The following RBM25 variants were observed in gnomAD, a reference collection of about 807,000 sequenced individuals.
The protein encoded by RBM25 is RNA binding motif protein 25.
A neutral mutation model predicts 120.7 loss-of-function variants in RBM25; 19 were observed. The ratio of observed to expected loss-of-function variants is 0.16; its 90% confidence interval spans 0.11 to 0.23. RBM25 has a LOEUF of 0.23. RBM25 is among the 10% of genes least tolerant of loss of function. RBM25 has a pLI of 1.00. For synonymous variants in RBM25, 390 were observed against 326.7 expected (o/e 1.19, Z -2.09); for missense variants, 605 against 1,041.5 (o/e 0.58, Z 5.77).
intron 1 of RBM25, among the ~76,000 whole-genome samples, chr14:73,070,127 G>A (rs1169994924): frequency 1.3e-5 from 2 of 149,586 alleles, no homozygotes; most frequent in Non-Finnish European, 3.0e-5. Flanking sequence ...TGTCACCCAC[G>A]CTGGAGTGCA....
At chr14:73,060,916 C>CT (rs978236557) in intron 1 of RBM25, among the ~76,000 whole-genome samples, 1 of 151,314 alleles carries the variant, frequency 6.6e-6, no homozygotes, top group Non-Finnish European at 1.5e-5. Context: ...CCCATAAATA[C>CT]TTAAGTGTAT....
At chr14:73,119,668 A>C in intron 18 of RBM25, 45 bp from the exon 19 acceptor site, 1 of 1,605,536 alleles carries the variant, frequency 6.2e-7, no homozygotes, top group Non-Finnish European at 8.5e-7. Context: ...GCAGATGTTG[A>C]TGATTGCTTC....
chr14:73,103,905 G>GTCTGTCTCTC (rs1896107421), intron 10 of RBM25, among the ~76,000 whole-genome samples: 1 of 91,660 alleles, frequency 1.1e-5, no homozygotes, highest in Non-Finnish European at 2.2e-5. Context: ...CTGTCTGTCT[G>GTCTGTCTCTC]TCTCTCTCTC....
Position 73,111,125 on chromosome 14 carries a change from A to T in RBM25, c.1987A>T (p.Arg663Trp). The T allele has an allele frequency of 6.2e-7, 1 of 1,613,502 alleles. No homozygotes were observed. The highest frequency in any genetic ancestry group is 8.5e-7 in the Non-Finnish European group (1 of 1,179,398). Residue 663 changes from arginine (R) to tryptophan (W), a missense_variant, in exon 15 of 19, where the codon AGG becomes TGG. Around this residue, in one of 4 missense-constraint regions of RBM25, gnomAD observed 465 missense variants for 741.6 expected, o/e 0.63. Transcript: ENST00000261973. Reference sequence around the variant, plus strand: ...AGATCAACAGCAACCTGAGGAGCATAGGCCAAAAATAGGACTAAGTCTTAA... The same window carrying T: ...AGATCAACAGCAACCTGAGGAGCATTGGCCAAAAATAGGACTAAGTCTTAA... ...SPDQQQPEEH[R>W]PKIGLSLKLG... is the part of the protein sequence containing the mutation.
Position 73,121,296 on chromosome 14 carries a change from A to T in RBM25, c.*1491A>T, listed in dbSNP as rs1030524745. 7.9e-5 allele frequency: 12 copies of T among 152,580 alleles called. No individual in the cohort carries two copies. The highest frequency in any genetic ancestry group is 1.6e-4 in the Non-Finnish European group (11 of 68,034). The allele number at this position is 152,580 out of a possible 1,614,324, so 9.5% of individuals were successfully genotyped here. On this transcript the variant is annotated 3_prime_UTR_variant, in exon 19 of 19. Coordinates refer to ENST00000261973, the MANE Select transcript of RBM25 (RefSeq NM_021239.3). ...CCATTATGTAAATATTTCAAATATTAAAAATGTATATATTTGATCCTGGGG... is the reference window on the plus strand; with the variant it reads ...CCATTATGTAAATATTTCAAATATTTAAAATGTATATATTTGATCCTGGGG...
intron 9 of RBM25, chr14:73,100,541 G>T: frequency 2.2e-6 from 1 of 444,784 alleles, no homozygotes; most frequent in Non-Finnish European, 4.0e-6. Context: ...TGTTGAAAAT[G>T]ATGCTTTTGA....
rs558094945 is a variant in RBM25 at position 73,123,879 on chromosome 14, T to C, written c.*4074T>C. ...AAAAATAAAAATTCTTTTCAAGCCA[T>C]GTTGTTTGAATTAAATGACACTCCT... On this transcript the variant is annotated 3_prime_UTR_variant, in exon 19 of 19. Transcript: ENST00000261973. 3 of 151,756 alleles carry C rather than the reference T, an allele frequency of 2.0e-5. No individual in the cohort carries two copies. The highest frequency in any genetic ancestry group is 2.9e-5 in the Non-Finnish European group (2 of 67,958). The allele number at this position is 151,756 out of a possible 1,614,324, so 9.4% of individuals were successfully genotyped here.
In RBM25 at chr14:73,111,104, C is replaced by G. The variant is rs768332342; in HGVS notation, c.1966C>G (p.Gln656Glu). 1.2e-6 allele frequency: 2 copies of G among 1,614,038 alleles called. No homozygotes were observed. Among genetic ancestry groups the G allele is most frequent in the Non-Finnish European group, 1.7e-6 (2 of 1,180,038 alleles). Reference protein sequence around the residue: ...IIIPHENSPDQQQPEEHRPKI... With the variant: ...IIIPHENSPDEQQPEEHRPKI... ...TATTCCTCATGAAAACTCACCAGAT[C>G]AACAGCAACCTGAGGAGCATAGGCC... Residue 656 changes from glutamine to glutamate, a missense_variant, in exon 15 of 19, where the codon CAA becomes GAA. Transcript: ENST00000261973.
intron 4 of RBM25, among the ~76,000 whole-genome samples, 182 bp downstream of exon 4, chr14:73,077,718 T>C (rs1255709586): frequency 1.3e-5 from 2 of 152,240 alleles, no homozygotes; most frequent in African/African-American, 4.8e-5. Context: ...TGAACATGTT[T>C]AGATATTTTA....
At chr14:73,076,966 A>C (rs1364398290) in intron 3 of RBM25, among the ~76,000 whole-genome samples, 1 of 152,232 alleles carries the variant, frequency 6.6e-6, no homozygotes, top group Non-Finnish European at 1.5e-5. Context: ...CTGTAATCTC[A>C]GCTACTCGGG....
At chr14:73,060,793 A>G (rs1245576897) in intron 1 of RBM25, among the ~76,000 whole-genome samples, 6 of 151,460 alleles carry the variant, frequency 4.0e-5, no homozygotes, top group African/African-American at 9.7e-5. Flanking sequence ...AATCTCAGCT[A>G]TCTTTCACCA....
chr14:73,065,502 G>A (rs1415480141), intron 1 of RBM25, among the ~76,000 whole-genome samples: 1 of 150,906 alleles, frequency 6.6e-6, no homozygotes, highest in Admixed American at 6.6e-5. Context: ...TTGGCTCACT[G>A]CAACCCCTGC....
chr14:73,095,330 G>T (rs1179007167), intron 6 of RBM25, among the ~76,000 whole-genome samples: 1 of 108 alleles, frequency 9.3e-3, no homozygotes, highest in Admixed American at 0.1. Flanking sequence ...TTGTTGATGG[G>T]TGTGGTCGTC....
intron 4 of RBM25, among the ~76,000 whole-genome samples, chr14:73,079,606 C>G (rs1310403045): frequency 1.3e-5 from 2 of 150,588 alleles, no homozygotes; most frequent in African/African-American, 2.4e-5. Context: ...TCTTGCCATC[C>G]TCTGGAAATA....
intron 7 of RBM25, 91 bp downstream of exon 7, chr14:73,097,191 CTTTTCTTTTT>C (rs1168959968): frequency 8.0e-6 from 3 of 375,726 alleles, no homozygotes; most frequent in African/African-American, 5.6e-5. Context: ...TTTCTTTTTT[CTTTTCTTTTT>C]TTTTTTTTTT....
chr14:73,117,565 C>A (rs1008143180), intron 18 of RBM25, among the ~76,000 whole-genome samples: 1 of 152,048 alleles, frequency 6.6e-6, no homozygotes, highest in African/African-American at 2.4e-5. Context: ...TTGTTATATA[C>A]CAGTCAGTTG....
intron 18 of RBM25, among the ~76,000 whole-genome samples, chr14:73,117,251 G>A (rs1896455244): frequency 1.6e-5 from 1 of 62,618 alleles, no homozygotes; most frequent in Non-Finnish European, 2.8e-5. Context: ...TTTTGAGACA[G>A]AGTCTTGCTC....
chr14:73,066,205 A>C (rs1042687118), intron 1 of RBM25, among the ~76,000 whole-genome samples: 6 of 152,298 alleles, frequency 3.9e-5, no homozygotes, highest in Admixed American at 2.6e-4. Context: ...GTTTTGGTCA[A>C]AAAGTTTTAC....
At position 73,097,191 on chromosome 14, in the gene RBM25, CTTTTCTT is replaced by C. The variant is rs1307774837; in HGVS notation, c.729+96_729+102del. The C allele has an allele frequency of 3.2e-5, 12 of 375,718 alleles. 2 individuals are homozygous for C. The highest frequency in any genetic ancestry group is 6.3e-5 in the East Asian group (1 of 15,980). The allele number at this position is 375,718 out of a possible 1,614,324, so 23.3% of individuals were successfully genotyped here. A position where few individuals can be genotyped will look rare whatever the true frequency, so the allele number is the denominator to read the frequency against. On this transcript the variant is annotated intron_variant, in intron 7 of 18. Coordinates refer to ENST00000261973, the MANE Select transcript of RBM25 (RefSeq NM_021239.3). ...TGATTACATGTCAGTTTTCTTTTTT[CTTTTCTT>C]TTTTTTTTTTTTTTTTTTTTGAGAT...
Sources: allele counts gnomAD v4.1 joint callset (sites outside exome capture counted in the v4.1 genomes callset), GRCh38; gene constraint gnomAD v4.1.1; regional missense constraint gnomAD v4.1.1; transcripts MANE v1.5; gene names NCBI Gene and HGNC (gene_info 2026-07-23, HGNC 2026-07-21).